ESRRG: variants seen among roughly 807,000 people sequenced by gnomAD.
ESRRG encodes the protein estrogen related receptor gamma.
In ESRRG, 13 loss-of-function variants were observed where a neutral mutation model predicts 44.0. The observed-to-expected ratio is 0.30, with a 90% CI of 0.19 to 0.47. The LOEUF is 0.47. Ranked by LOEUF, ESRRG falls within the 20% of genes least tolerant of loss-of-function variation. The probability of loss-of-function intolerance (pLI) is 1.00; values close to 1 mark genes in which losing one functional copy is unlikely to be tolerated. For missense variants in ESRRG, 395 were observed against 580.6 expected, an observed-to-expected ratio of 0.68 and a Z score of 3.29; for synonymous variants, 215 against 214.6, an observed-to-expected ratio of 1.00 and a Z score of -0.02.
At chr1:216,590,014 T>C (rs556281637) in intron 3 of ESRRG, among the ~76,000 whole-genome samples, 1 of 149,350 alleles carries the variant, frequency 6.7e-6, no homozygotes, top group Admixed American at 6.7e-5. Context: ...GAAAACATGG[T>C]GATATTACTG....
In ESRRG at chr1:216,879,013, G is replaced by A. The variant is rs549507025; in HGVS notation, c.-14+60569C>T. Reference sequence around the variant, plus strand: ...CAACTATGTAGATGGACAAAAAAGCGCTAGGTGAGCATGGAGGCCAAAGAC... The same window carrying A: ...CAACTATGTAGATGGACAAAAAAGCACTAGGTGAGCATGGAGGCCAAAGAC... On this transcript the variant is annotated intron_variant, in intron 2 of 7. Coordinates refer to the ESRRG transcript ENST00000359162. 4.6e-5 allele frequency among the ~76,000 whole-genome samples: 7 copies of A among 152,270 alleles called. No individual in the cohort carries two copies. The East Asian group carries it at 5.8e-4, about 13-fold the overall frequency.
chr1:216,740,630 TA>T (rs779510343), intron 2 of ESRRG, among the ~76,000 whole-genome samples: 3,771 of 141,190 alleles, frequency 0.027, 144 homozygotes, highest in African/African-American at 0.089. Context: ...TGCTTAACAT[TA>T]AAAAAAAAAA....
chr1:216,721,847 T>C (rs1465505461), intron 1 of ESRRG, among the ~76,000 whole-genome samples: 2 of 152,216 alleles, frequency 1.3e-5, no homozygotes, highest in Non-Finnish European at 2.9e-5. Flanking sequence ...ATTTTTCATT[T>C]TTATTTTTAC....
rs1038490082 is a variant in ESRRG, at chr1:216,504,994, C to T, written c.*1945G>A. On this transcript the variant is annotated 3_prime_UTR_variant, in exon 7 of 7. Coordinates refer to ENST00000408911, the MANE Select transcript of ESRRG (RefSeq NM_001438.4). ...TCTAAAAGCACACACCACAAGAATC[C>T]AAACACCACAAGAACAAGACAACAG... is the stretch of plus-strand genomic sequence containing the variant. 6.6e-6 allele frequency: 1 copy of T among 152,552 alleles called. No individual in the cohort carries two copies. Among genetic ancestry groups the T allele is most frequent in the South Asian group, 2.1e-4 (1 of 4,830 alleles). 9.4% of individuals were successfully genotyped at this position (152,552 alleles called of 1,614,324 possible). A position where few individuals can be genotyped will look rare whatever the true frequency, so the allele number is the denominator to read the frequency against.
intron 5 of ESRRG, among the ~76,000 whole-genome samples, chr1:216,547,781 G>A (rs568978018): frequency 5.3e-5 from 8 of 152,086 alleles, no homozygotes; most frequent in East Asian, 3.9e-4. Context: ...CCCTTTAGCC[G>A]GCAAACATTG....
chr1:216,526,544 C>T (rs1224031320), intron 5 of ESRRG, among the ~76,000 whole-genome samples: 1 of 152,146 alleles, frequency 6.6e-6, no homozygotes, highest in Non-Finnish European at 1.5e-5. Context: ...CTGCCACCTG[C>T]TCTTGGGCTT....
At chr1:216,908,132 A>C (rs920563896) in intron 2 of ESRRG, among the ~76,000 whole-genome samples, 1 of 152,228 alleles carries the variant, frequency 6.6e-6, no homozygotes, top group African/African-American at 2.4e-5. Context: ...CCAGAATGCT[A>C]TTTGGATGGA....
rs144304518 is a variant in ESRRG, at chr1:217,097,696, T to C, written c.-230+39971A>G. 5.3e-3 allele frequency among the ~76,000 whole-genome samples: 800 copies of C among 152,286 alleles called. 12 individuals carry two copies. The highest frequency in any genetic ancestry group is 0.018 in the African/African-American group (758 of 41,568). On this transcript the variant is annotated intron_variant, in intron 1 of 8. Coordinates refer to the ESRRG transcript ENST00000366940. The stretch of plus-strand genomic sequence containing the variant: ...TAATGCATGTGATGGCATAATCCCT[T>C]GTCAAAGTAGGCAGCTGATAAAAGC...
At chr1:216,973,996 C>T (rs943387865) in intron 1 of ESRRG, among the ~76,000 whole-genome samples, 5 of 152,140 alleles carry the variant, frequency 3.3e-5, no homozygotes, top group African/African-American at 1.2e-4. Context: ...ATTGTCCCAA[C>T]CCCACTAGTT....
At chr1:216,649,547 C>T (rs2068445192) in intron 3 of ESRRG, among the ~76,000 whole-genome samples, 1 of 151,718 alleles carries the variant, frequency 6.6e-6, no homozygotes. Flanking sequence ...CACACACATA[C>T]ATATATAATG....
At chr1:216,703,430 G>GT (rs1005622591) in intron 1 of ESRRG, among the ~76,000 whole-genome samples, 2 of 152,182 alleles carry the variant, frequency 1.3e-5, no homozygotes, top group Admixed American at 6.5e-5. Flanking sequence ...CTTTAATTAA[G>GT]TTTTGTCTCT....
chr1:216,783,929 A>G lies in ESRRG; in HGVS notation c.-13-106438T>C, dbSNP rs978707731. ...AGAATACTGTTGTGGTTTCAAAATC[A>G]TATTAGCTTGCACTTGTCTGCAATA... On this transcript the variant is annotated intron_variant, in intron 2 of 7. Transcript: ENST00000359162. Among the ~76,000 whole-genome samples, 23 of 152,194 alleles carry G rather than the reference A, an allele frequency of 1.5e-4. No individual in the cohort carries two copies. The East Asian group carries it at 4.3e-3, about 28-fold the overall frequency.
At chr1:216,734,286 T>C (rs1438348049) in intron 2 of ESRRG, among the ~76,000 whole-genome samples, 1 of 152,140 alleles carries the variant, frequency 6.6e-6, no homozygotes, top group African/African-American at 2.4e-5. Context: ...TTCACACTCA[T>C]TGATATGGTT....
chr1:216,969,282 T>C (rs1442715787), intron 1 of ESRRG, among the ~76,000 whole-genome samples: 1 of 152,108 alleles, frequency 6.6e-6, no homozygotes, highest in Non-Finnish European at 1.5e-5. Flanking sequence ...AGTAACCCAC[T>C]TGAGGAGAGA....
chr1:217,021,639 C>T (rs770912386), intron 1 of ESRRG, among the ~76,000 whole-genome samples: 9 of 152,088 alleles, frequency 5.9e-5, no homozygotes, highest in African/African-American at 1.2e-4. Flanking sequence ...CAAGGACTTA[C>T]GAAACAGGGA....
intron 2 of ESRRG, among the ~76,000 whole-genome samples, chr1:216,866,539 C>T (rs2096163063): frequency 6.6e-6 from 1 of 150,760 alleles, no homozygotes; most frequent in South Asian, 2.1e-4. Flanking sequence ...CTCATGATAT[C>T]TTTATCTTTC....
intron 1 of ESRRG, among the ~76,000 whole-genome samples, chr1:217,101,639 T>A (rs1266950825): frequency 2.0e-5 from 3 of 152,164 alleles, no homozygotes; most frequent in Non-Finnish European, 4.4e-5. Context: ...CTATCTCAAA[T>A]GCTTTCTCCT....
At chr1:217,137,401 C>T (rs1357821209) in intron 1 of ESRRG, among the ~76,000 whole-genome samples, 1 of 152,142 alleles carries the variant, frequency 6.6e-6, no homozygotes, top group African/African-American at 2.4e-5. Context: ...GGCAGTAGCT[C>T]CCCCTGCGGG....
intron 5 of ESRRG, among the ~76,000 whole-genome samples, chr1:216,525,923 G>A (rs951160302): frequency 6.6e-6 from 1 of 152,062 alleles, no homozygotes; most frequent in African/African-American, 2.4e-5. Context: ...TCCTCTTCAG[G>A]AAATTCCCAA....
Sources: gnomAD v4.1 joint callset for allele counts (sites outside exome capture counted in the v4.1 genomes callset) on GRCh38, gnomAD v4.1.1 for gene constraint, MANE v1.5 for transcripts, NCBI Gene and HGNC (gene_info 2026-07-23, HGNC 2026-07-21) for gene names.